Variants in REV3L observed in about 807,000 individuals in gnomAD.
REV3L encodes the protein DNA polymerase zeta catalytic subunit.
Under a neutral mutation model 299.4 loss-of-function variants are expected in REV3L, and 69 were observed. That is an observed-to-expected ratio of 0.23 (90% CI 0.19 to 0.28). REV3L has a LOEUF of 0.28. Among genes scored for constraint, REV3L ranks in the 10% least tolerant of loss-of-function variants. The pLI is 1.00. For missense variants in REV3L, 3,128 were observed against 3,693.8 expected, an observed-to-expected ratio of 0.85 and a Z score of 3.97; for synonymous variants, 1,238 against 1,271.4, an observed-to-expected ratio of 0.97 and a Z score of 0.56.
At chr6:111,431,252 A>G in intron 1 of REV3L, 1 of 1,525,526 alleles carries the variant, frequency 6.6e-7, no homozygotes, top group Middle Eastern at 2.3e-4. Context: ...AGGACCCTAC[A>G]AGAGATTTAG....
chr6:111,393,049 T>G (rs1409863002), intron 4 of REV3L, 77 bp from the exon 5 acceptor site: 10 of 1,034,552 alleles, frequency 9.7e-6, no homozygotes, highest in Non-Finnish European at 1.4e-5. Context: ...TAAATTTTTT[T>G]TTTTTTGAGA....
intron 9 of REV3L, among the ~76,000 whole-genome samples, chr6:111,387,017 T>C (rs943249269): frequency 1.3e-5 from 2 of 152,176 alleles, no homozygotes; most frequent in Non-Finnish European, 2.9e-5. Context: ...CCACTGCTCC[T>C]GGCCAGCAGC....
chr6:111,460,690 A>G (rs988717525), intron 1 of REV3L, among the ~76,000 whole-genome samples: 9 of 152,154 alleles, frequency 5.9e-5, no homozygotes, highest in Admixed American at 6.5e-5. Context: ...AGACATGAAC[A>G]ACAGTATAAA....
chr6:111,452,840 T>C (rs1469490421), intron 1 of REV3L, among the ~76,000 whole-genome samples: 1 of 152,146 alleles, frequency 6.6e-6, no homozygotes, highest in East Asian at 1.9e-4. Flanking sequence ...ATAAACATAT[T>C]TGCCCCTCAT....
chr6:111,357,329 C>T (rs1778193482), intron 17 of REV3L, among the ~76,000 whole-genome samples: 1 of 152,148 alleles, frequency 6.6e-6, no homozygotes, highest in Non-Finnish European at 1.5e-5. Context: ...TAATATACAA[C>T]TGAAAATTCA....
intron 1 of REV3L, among the ~76,000 whole-genome samples, chr6:111,482,296 T>C (rs1173872790): frequency 6.6e-6 from 1 of 152,146 alleles, no homozygotes; most frequent in Admixed American, 6.5e-5. Context: ...ACAACAAGGC[T>C]GACACTTCCC....
At chr6:111,464,245 C>T (rs574733271) in intron 1 of REV3L, among the ~76,000 whole-genome samples, 2 of 152,304 alleles carry the variant, frequency 1.3e-5, no homozygotes, top group African/African-American at 4.8e-5. Context: ...TGAATGTTTT[C>T]ATCTAAGTGG....
At chr6:111,452,938 G>A (rs1198061378) in intron 1 of REV3L, among the ~76,000 whole-genome samples, 1 of 152,068 alleles carries the variant, frequency 6.6e-6, no homozygotes, top group Non-Finnish European at 1.5e-5. Context: ...ACTGGAAAGA[G>A]CAAGAAATTG....
chr6:111,319,168 A>T (rs1165706617), intron 26 of REV3L, among the ~76,000 whole-genome samples: 1 of 152,224 alleles, frequency 6.6e-6, no homozygotes, highest in East Asian at 1.9e-4. Flanking sequence ...TTTACATCTT[A>T]AAAGTTATTA....
chr6:111,325,856 AATACT>A (rs1774729913), intron 25 of REV3L, among the ~76,000 whole-genome samples: 1 of 152,228 alleles, frequency 6.6e-6, no homozygotes, highest in Non-Finnish European at 1.5e-5. Flanking sequence ...TGTGCTACTA[AATACT>A]ATATTTTATT....
chr6:111,456,861 A>G (rs1790221462), intron 1 of REV3L, among the ~76,000 whole-genome samples: 1 of 152,134 alleles, frequency 6.6e-6, no homozygotes. Context: ...TCACTTGACT[A>G]CCACATAATT....
At chr6:111,386,379 A>G (rs972030622) in intron 9 of REV3L, among the ~76,000 whole-genome samples, 12 of 152,216 alleles carry the variant, frequency 7.9e-5, no homozygotes, top group African/African-American at 2.9e-4. Flanking sequence ...AGGGTAACGA[A>G]AATTAAAACC....
chr6:111,378,370 T>C (rs1780513522), intron 11 of REV3L, among the ~76,000 whole-genome samples: 1 of 152,204 alleles, frequency 6.6e-6, no homozygotes, highest in African/African-American at 2.4e-5. Flanking sequence ...ATGGGCAAAC[T>C]TTTTTCCTAT....
intron 13 of REV3L, 147 bp from the exon 14 acceptor site, chr6:111,368,175 T>G (rs1366984273): frequency 3.0e-6 from 2 of 657,212 alleles, no homozygotes; most frequent in African/African-American, 3.6e-5. Flanking sequence ...TGCAGGTACA[T>G]TCTATCTTTA....
At chr6:111,331,832 C>G (rs542293920) in intron 23 of REV3L, 48 bp from the exon 24 acceptor site, 2 of 1,223,752 alleles carry the variant, frequency 1.6e-6, no homozygotes, top group Non-Finnish European at 2.4e-6. Flanking sequence ...AATCATAGAA[C>G]AGAGATTTTA....
chr6:111,303,628 A>G (rs1030925130), intron 31 of REV3L, among the ~76,000 whole-genome samples: 6 of 142,100 alleles, frequency 4.2e-5, no homozygotes, highest in African/African-American at 1.6e-4. Flanking sequence ...CAGCCTCCCA[A>G]AGTGCTGGGA....
In REV3L at chr6:111,372,707, G is replaced by A. The variant is rs753074865; in HGVS notation, c.5648C>T (p.Ser1883Phe). Residue 1883 changes from serine to phenylalanine, a missense_variant, in exon 13 of 32, where the codon TCC (serine) becomes TTC (phenylalanine). Coordinates refer to ENST00000368802, the MANE Select transcript of REV3L (RefSeq NM_001372078.1). ...RTANILKPLM[S>F]PPSREEIMAT... ...CATAATTTCTTCCCTACTTGGGGGG[G>A]ACATAAGTGGTTTCAGAATGTTAGC... 6.2e-7 allele frequency: 1 copy of A among 1,608,252 alleles called. No individual in the cohort carries two copies. Among genetic ancestry groups the A allele is most frequent in the Non-Finnish European group, 8.5e-7 (1 of 1,177,444 alleles).
At chr6:111,362,402 C>T (rs1023746909) in intron 16 of REV3L, among the ~76,000 whole-genome samples, 10 of 152,054 alleles carry the variant, frequency 6.6e-5, no homozygotes, top group African/African-American at 2.4e-4. Flanking sequence ...AGAAAAAAAA[C>T]CACACTTAAA....
intron 20 of REV3L, among the ~76,000 whole-genome samples, chr6:111,347,012 G>A (rs1342545225): frequency 2.6e-5 from 4 of 152,162 alleles, no homozygotes; most frequent in Non-Finnish European, 5.9e-5. Context: ...GCTCACACCT[G>A]TAGTCCCAGC....
Sources: allele counts gnomAD v4.1 joint callset (sites outside exome capture counted in the v4.1 genomes callset), GRCh38; gene constraint gnomAD v4.1.1; transcripts MANE v1.5; gene names NCBI Gene and HGNC (gene_info 2026-07-23, HGNC 2026-07-21).